Variants in SORBS2 observed in about 807,000 individuals in gnomAD.
SORBS2 encodes the protein sorbin and SH3 domain containing 2, also known as sorbin and SH3 domain-containing protein 2.
Under a neutral mutation model 97.7 loss-of-function variants are expected in SORBS2, and 46 were observed. The ratio of observed to expected loss-of-function variants is 0.47; its 90% CI spans 0.37 to 0.60. SORBS2 has a LOEUF of 0.60. Ranked by LOEUF, SORBS2 falls within the 20% of genes least tolerant of loss-of-function variation. SORBS2 has a pLI of 0.00. For synonymous variants in SORBS2, 476 were observed against 473.4 expected, an observed-to-expected ratio of 1.01 and a Z score of -0.07; for missense variants, 1,316 against 1,282.3, an observed-to-expected ratio of 1.03 and a Z score of -0.40.
intron 1 of SORBS2, among the ~76,000 whole-genome samples, chr4:185,777,227 C>A (rs2099004291): frequency 6.6e-6 from 1 of 152,174 alleles, no homozygotes; most frequent in South Asian, 2.1e-4. Context: ...AAAATGTATA[C>A]CAGGCTTTAA....
intron 2 of SORBS2, among the ~76,000 whole-genome samples, chr4:185,742,863 G>A (rs2098735899): frequency 1.3e-5 from 2 of 152,180 alleles, no homozygotes; most frequent in East Asian, 3.9e-4. Context: ...GCACACCTGG[G>A]ACACACGAGC....
intron 7 of SORBS2, among the ~76,000 whole-genome samples, chr4:185,621,236 A>G (rs11937003): frequency 0.016 from 2,511 of 152,324 alleles, 74 homozygotes; most frequent in African/African-American, 0.058. Flanking sequence ...TACTTTGATG[A>G]TGTAAATTCT....
intron 2 of SORBS2, among the ~76,000 whole-genome samples, chr4:185,736,734 G>A (rs1401529738): frequency 6.6e-6 from 1 of 152,140 alleles, no homozygotes; most frequent in Non-Finnish European, 1.5e-5. Context: ...TGTCGAGCCT[G>A]TGGTCAAGGT....
At chr4:185,695,505 G>GTTT (rs70962586) in intron 2 of SORBS2, among the ~76,000 whole-genome samples, 213 of 150,088 alleles carry the variant, frequency 1.4e-3, no homozygotes, top group South Asian at 7.5e-3. Context: ...CAGGATGTTA[G>GTTT]TTTTTTTTTT....
chr4:185,887,958 ATATGTGTGTGTGTGTGTGTG>A (rs1313904311), intron 1 of SORBS2, among the ~76,000 whole-genome samples: 2 of 149,076 alleles, frequency 1.3e-5, no homozygotes, highest in African/African-American at 2.5e-5. Flanking sequence ...TAGTATATAT[ATATGTGTGTGTGTGTGTGTG>A]TGTGTGTGTG....
chr4:185,930,430 G>C (rs1440122214), intron 1 of SORBS2, among the ~76,000 whole-genome samples: 1 of 151,838 alleles, frequency 6.6e-6, no homozygotes, highest in Non-Finnish European at 1.5e-5. Flanking sequence ...GAGTAGCTGG[G>C]ACTACAGGCG....
intron 4 of SORBS2, among the ~76,000 whole-genome samples, chr4:185,668,381 G>A (rs895131576): frequency 6.6e-6 from 1 of 152,200 alleles, no homozygotes; most frequent in African/African-American, 2.4e-5. Flanking sequence ...CTGGTTTTGA[G>A]TCTTTTAATG....
chr4:185,699,571 G>A (rs183395073), intron 2 of SORBS2, among the ~76,000 whole-genome samples: 1 of 152,304 alleles, frequency 6.6e-6, no homozygotes, highest in Non-Finnish European at 1.5e-5. Context: ...ATGGGTGTGA[G>A]CCTCCATGCC....
intron 2 of SORBS2, among the ~76,000 whole-genome samples, chr4:185,650,895 A>G (rs1450897596): frequency 2.0e-5 from 3 of 152,112 alleles, no homozygotes; most frequent in Non-Finnish European, 4.4e-5. Context: ...CCCTCTATCA[A>G]TTTGTCTTTG....
chr4:185,766,809 G>A (rs1374878631), intron 2 of SORBS2, among the ~76,000 whole-genome samples: 1 of 152,146 alleles, frequency 6.6e-6, no homozygotes, highest in Non-Finnish European at 1.5e-5. Flanking sequence ...TATTCCAGGG[G>A]TCACAGTAGC....
At chr4:185,763,431 C>A (rs376558972) in intron 2 of SORBS2, among the ~76,000 whole-genome samples, 1 of 152,180 alleles carries the variant, frequency 6.6e-6, no homozygotes, top group Non-Finnish European at 1.5e-5. Flanking sequence ...CCCAAGCCCC[C>A]GACCCCCCAC....
rs1049014227 is a variant in SORBS2, at chr4:185,812,571, T to C, written c.-337-37205A>G. 3.9e-5 allele frequency among the ~76,000 whole-genome samples: 6 copies of C among 152,162 alleles called. No individual in the cohort carries two copies. The South Asian group carries it at 8.3e-4, about 21-fold the overall frequency. ...ACTTAAGAGACCCTAACTGGAAGCA[T>C]TGTCAAAACAAGCCCCACCTTCCAG... On this transcript the variant is annotated intron_variant, in intron 1 of 20. Coordinates refer to the SORBS2 transcript ENST00000284776.
At position 185,684,979 on chromosome 4, in the gene SORBS2, A is replaced by C. The variant is rs981922893; in HGVS notation, c.-197-6157T>G. 62 of 664,760 alleles carry C rather than the reference A, an allele frequency of 9.3e-5. No individual in the cohort carries two copies. The highest frequency in any genetic ancestry group is 2.0e-5 in the South Asian group (1 of 50,910). The allele number at this position is 664,760 out of a possible 1,614,324, so 41.2% of individuals were successfully genotyped here. A position where few individuals can be genotyped will look rare whatever the true frequency, so the allele number is the denominator to read the frequency against. ...GTTAGAATTAGTAATCATGGAATGC[A>C]CCTGCCAATTTCACACCACCCTCAA... On this transcript the variant is annotated intron_variant, in intron 2 of 20. Coordinates refer to the SORBS2 transcript ENST00000284776. This position sits in a 1 kb window ranked among gnomAD's most constrained non-coding sequence, Gnocchi z 4.2.
At chr4:185,718,231 A>C (rs536104798) in intron 2 of SORBS2, among the ~76,000 whole-genome samples, 2 of 143,640 alleles carry the variant, frequency 1.4e-5, no homozygotes, top group South Asian at 4.4e-4. Flanking sequence ...TGTCTCAAAG[A>C]AAAAAAAAAA....
At chr4:185,785,219 T>TA (rs5864962) in intron 1 of SORBS2, among the ~76,000 whole-genome samples, 26 of 149,062 alleles carry the variant, frequency 1.7e-4, no homozygotes, top group African/African-American at 5.2e-4. Flanking sequence ...TTTGAGCGTT[T>TA]AAAAAAAAAA....
At chr4:185,763,706 C>A (rs1487885923) in intron 2 of SORBS2, among the ~76,000 whole-genome samples, 4 of 152,094 alleles carry the variant, frequency 2.6e-5, no homozygotes, top group Admixed American at 6.6e-5. Context: ...AACATAGAAA[C>A]CATCTTTTCT....
At chr4:185,600,317 T>C (rs2096230221) in intron 12 of SORBS2, among the ~76,000 whole-genome samples, 1 of 152,158 alleles carries the variant, frequency 6.6e-6, no homozygotes, top group Non-Finnish European at 1.5e-5. Context: ...GCCAAGAACA[T>C]ATAAGAAATG....
intron 2 of SORBS2, among the ~76,000 whole-genome samples, chr4:185,729,658 G>C (rs1447974527): frequency 6.6e-6 from 1 of 152,232 alleles, no homozygotes; most frequent in African/African-American, 2.4e-5. Context: ...CTGGGGGAGT[G>C]CTTCATTACT....
intron 1 of SORBS2, among the ~76,000 whole-genome samples, chr4:185,941,998 TC>T (rs2099272243): frequency 6.6e-6 from 1 of 152,018 alleles, no homozygotes; most frequent in Non-Finnish European, 1.5e-5. Flanking sequence ...CGCCTGTAAT[TC>T]CAGCTACTCG....
Sources: allele counts gnomAD v4.1 joint callset (sites outside exome capture counted in the v4.1 genomes callset), GRCh38; gene constraint gnomAD v4.1.1; non-coding constraint Gnocchi (gnomAD v3.1); transcripts MANE v1.5; gene names NCBI Gene and HGNC (gene_info 2026-07-23, HGNC 2026-07-21).